Variants in MPP7 observed in about 807,000 individuals in gnomAD.
The protein encoded by MPP7 is MAGUK p55 scaffold protein 7.
A neutral mutation model predicts 76.5 loss-of-function variants in MPP7; 60 were observed. The observed-to-expected ratio is 0.78, with a 90% CI of 0.64 to 0.97. The LOEUF (loss-of-function observed/expected upper bound fraction) is 0.97. Among genes scored for constraint, MPP7 ranks in the 50% least tolerant of loss-of-function variants. The pLI, the probability that MPP7 is intolerant of heterozygous loss-of-function variation, is 0.00. For missense variants in MPP7, 641 were observed against 694.0 expected (o/e 0.92, Z 0.86); for synonymous variants, 237 against 244.5 (o/e 0.97, Z 0.29).
At chr10:28,131,198 T>G (rs917607598) in intron 6 of MPP7, among the ~76,000 whole-genome samples, 33 of 152,202 alleles carry the variant, frequency 2.2e-4, no homozygotes, top group African/African-American at 6.5e-4. Flanking sequence ...TTAGTTTAAA[T>G]TTAAAAAGCA....
rs1201307043 is a variant in MPP7, at chr10:28,119,640, A to G, written c.952+11T>C. The G allele has an allele frequency of 2.5e-6, 4 of 1,611,122 alleles. No individual in the cohort carries two copies. The East Asian group carries it at 8.9e-5, about 36-fold the overall frequency. On this transcript the variant is annotated intron_variant, in intron 11 of 16. Coordinates refer to ENST00000683449, the MANE Select transcript of MPP7 (RefSeq NM_001318170.2). The stretch of plus-strand genomic sequence containing the variant: ...GGTTTGGTTTCTCTGCATTCTTATT[A>G]ACAAACTTACATGATTTCCTGTTGG...
At chr10:28,325,087 T>A (rs920651009) in intron 2 of MPP7, among the ~76,000 whole-genome samples, 3 of 152,042 alleles carry the variant, frequency 2.0e-5, no homozygotes, top group African/African-American at 7.3e-5. Flanking sequence ...GAGATGGAGG[T>A]CCCACTATAT....
intron 11 of MPP7, among the ~76,000 whole-genome samples, chr10:28,106,273 C>T (rs1300357710): frequency 6.6e-6 from 1 of 152,156 alleles, no homozygotes; most frequent in South Asian, 2.1e-4. Flanking sequence ...TATTACCTCT[C>T]GCTACTAAAA....
chr10:28,196,202 C>T lies in MPP7; in HGVS notation c.156+5951G>A, dbSNP rs1838509012. Among the ~76,000 whole-genome samples, 5 of 152,144 alleles carry T rather than the reference C, an allele frequency of 3.3e-5. No individual in the cohort carries two copies. In the South Asian group the frequency reaches 1.0e-3, roughly 32 times the overall value. On this transcript the variant is annotated intron_variant, in intron 3 of 16. Transcript: ENST00000683449. ...CAGTTCAATATTCACATATCCAGGCCAGATGCGGTGGCTCATGCCTGTAAT... is the reference window on the plus strand; with the variant it reads ...CAGTTCAATATTCACATATCCAGGCTAGATGCGGTGGCTCATGCCTGTAAT...
At chr10:28,151,658 C>T (rs1332612011) in intron 3 of MPP7, among the ~76,000 whole-genome samples, 3 of 152,120 alleles carry the variant, frequency 2.0e-5, no homozygotes, top group Admixed American at 2.0e-4. Flanking sequence ...AATTTGAATT[C>T]CTCAATTCTC....
At chr10:28,178,311 C>T (rs372780366) in intron 3 of MPP7, among the ~76,000 whole-genome samples, 53 of 152,142 alleles carry the variant, frequency 3.5e-4, no homozygotes, top group Admixed American at 1.4e-3. Flanking sequence ...AGAGATTCCA[C>T]CTGTCACCAG....
At chr10:28,260,636 GT>G (rs1404412582) in intron 1 of MPP7, among the ~76,000 whole-genome samples, 1 of 151,820 alleles carries the variant, frequency 6.6e-6, no homozygotes, top group Non-Finnish European at 1.5e-5. Context: ...GCCAGACATG[GT>G]GGCACATGCC....
chr10:28,149,539 C>T (rs188560742), intron 4 of MPP7, among the ~76,000 whole-genome samples: 39 of 152,068 alleles, frequency 2.6e-4, no homozygotes, highest in African/African-American at 6.3e-4. Flanking sequence ...ATTATAAAAA[C>T]AATCCTGTCT....
At chr10:28,165,519 T>A (rs1165346553) in intron 3 of MPP7, among the ~76,000 whole-genome samples, 1 of 130,960 alleles carries the variant, frequency 7.6e-6, no homozygotes, top group East Asian at 2.2e-4. Context: ...GAGTGAGACC[T>A]TGTCTCTAAG....
At chr10:28,226,222 G>A (rs749988600) in intron 2 of MPP7, among the ~76,000 whole-genome samples, 3 of 151,902 alleles carry the variant, frequency 2.0e-5, no homozygotes, top group South Asian at 2.1e-4. Context: ...AATGGTGATT[G>A]ACATGGGCTG....
chr10:28,236,232 C>A (rs897291749), intron 2 of MPP7, among the ~76,000 whole-genome samples: 3 of 152,122 alleles, frequency 2.0e-5, no homozygotes, highest in African/African-American at 7.2e-5. Flanking sequence ...ACAAAAGGAG[C>A]AAAACCAGGC....
intron 2 of MPP7, among the ~76,000 whole-genome samples, chr10:28,223,817 T>G (rs1302124648): frequency 1.3e-5 from 2 of 151,496 alleles, no homozygotes; most frequent in Non-Finnish European, 2.9e-5. Context: ...TAGGCTTCAT[T>G]CCAACATCTC....
At chr10:28,183,564 G>A (rs977028799) in intron 3 of MPP7, among the ~76,000 whole-genome samples, 1 of 152,156 alleles carries the variant, frequency 6.6e-6, no homozygotes, top group African/African-American at 2.4e-5. Context: ...TGAGGCAGGA[G>A]GGCTGCTGAG....
intron 1 of MPP7, among the ~76,000 whole-genome samples, chr10:28,263,881 G>A (rs1840064684): frequency 6.6e-6 from 1 of 152,206 alleles, no homozygotes; most frequent in Non-Finnish European, 1.5e-5. Context: ...TGGGAAGTCT[G>A]GCAGCTTGGG....
intron 2 of MPP7, among the ~76,000 whole-genome samples, chr10:28,318,284 T>G (rs1352905095): frequency 6.6e-6 from 1 of 152,138 alleles, no homozygotes; most frequent in Non-Finnish European, 1.5e-5. Context: ...GAGACGACAC[T>G]TCAAAGCACT....
intron 2 of MPP7, among the ~76,000 whole-genome samples, chr10:28,228,194 A>G (rs1336456533): frequency 6.6e-6 from 1 of 152,230 alleles, no homozygotes; most frequent in Non-Finnish European, 1.5e-5. Context: ...GAAGAAAAAA[A>G]TGTTAACATG....
At chr10:28,118,161 C>T (rs1834717140) in intron 11 of MPP7, 3 of 984,918 alleles carry the variant, frequency 3.0e-6, no homozygotes, top group Non-Finnish European at 3.6e-6. Flanking sequence ...ACAATTAATA[C>T]TTCTACATAC....
chr10:28,141,861 CAATT>C (rs1835532033), intron 5 of MPP7, among the ~76,000 whole-genome samples: 1 of 151,922 alleles, frequency 6.6e-6, no homozygotes, highest in Non-Finnish European at 1.5e-5. Flanking sequence ...TATCATGCTA[CAATT>C]ACTAAAACAA....
upstream of MPP7, among the ~76,000 whole-genome samples, chr10:28,303,830 C>T (rs1841222632): frequency 6.6e-6 from 1 of 152,180 alleles, no homozygotes; most frequent in South Asian, 2.1e-4. Context: ...CGCCCTTCAG[C>T]TCTCTTAAAG....
Sources: gnomAD v4.1 joint callset for allele counts (sites outside exome capture counted in the v4.1 genomes callset) on GRCh38, gnomAD v4.1.1 for gene constraint, MANE v1.5 for transcripts, NCBI Gene and HGNC (gene_info 2026-07-23, HGNC 2026-07-21) for gene names.